Variants in SPATA17 observed in about 807,000 individuals in gnomAD.
SPATA17 encodes spermatogenesis-associated protein 17.
In SPATA17, 53 loss-of-function variants were observed where a neutral mutation model predicts 62.2. The observed-to-expected ratio is 0.85, with a 90% CI of 0.68 to 1.07. The LOEUF (loss-of-function observed/expected upper bound fraction) is 1.07. SPATA17 is among the 50% of genes least tolerant of loss of function. The pLI, the probability that SPATA17 is intolerant of heterozygous loss-of-function variation, is 0.00. For missense variants in SPATA17, 466 were observed against 425.5 expected (o/e 1.10, Z -0.84); for synonymous variants, 146 against 146.8 (o/e 0.99, Z 0.04).
chr1:217,801,344 C>T (rs1674306561), intron 8 of SPATA17, among the ~76,000 whole-genome samples: 1 of 152,132 alleles, frequency 6.6e-6, no homozygotes, highest in Admixed American at 6.6e-5. Flanking sequence ...ATTGACTGTA[C>T]TGGCTGTCCT....
chr1:217,742,197 G>T, intron 6 of SPATA17, 99 bp downstream of exon 6: 1 of 1,450,158 alleles, frequency 6.9e-7, no homozygotes, highest in Non-Finnish European at 9.4e-7. Context: ...TTGTTGAAAA[G>T]ATATCACAAA....
chr1:217,782,439 C>G, intron 8 of SPATA17, 117 bp downstream of exon 8: 2 of 1,133,098 alleles, frequency 1.8e-6, no homozygotes, highest in South Asian at 4.5e-5. Flanking sequence ...GTAAAGCCAC[C>G]CCTGACCTGT....
At chr1:217,713,980 T>A (rs1671935415) in intron 5 of SPATA17, among the ~76,000 whole-genome samples, 1 of 152,000 alleles carries the variant, frequency 6.6e-6, no homozygotes, top group Non-Finnish European at 1.5e-5. Context: ...ATGAAAAAAA[T>A]TTGCATCCAG....
At chr1:217,804,204 GAC>G (rs1674379346) in intron 9 of SPATA17, among the ~76,000 whole-genome samples, 2 of 152,060 alleles carry the variant, frequency 1.3e-5, no homozygotes, top group African/African-American at 4.8e-5. Context: ...ATAAAAAATA[GAC>G]ACATCAAACA....
intron 9 of SPATA17, among the ~76,000 whole-genome samples, chr1:217,830,382 A>G (rs1304235604): frequency 6.6e-6 from 1 of 152,106 alleles, no homozygotes; most frequent in South Asian, 2.1e-4. Flanking sequence ...ATCACTTTAC[A>G]TAATGTGCAC....
chr1:217,751,194 C>G (rs1672897198), intron 6 of SPATA17, among the ~76,000 whole-genome samples: 1 of 152,104 alleles, frequency 6.6e-6, no homozygotes, highest in Admixed American at 6.5e-5. Flanking sequence ...ATAAGGAAAG[C>G]CAGAATGTAA....
At chr1:217,683,180 A>G (rs906275094) in intron 4 of SPATA17, 78 bp from the exon 5 acceptor site, 2 of 949,290 alleles carry the variant, frequency 2.1e-6, no homozygotes, top group East Asian at 2.6e-5. Flanking sequence ...AGCCATAATT[A>G]CCTTAATTTT....
At chr1:217,767,405 T>G (rs1673326540) in intron 6 of SPATA17, among the ~76,000 whole-genome samples, 1 of 152,186 alleles carries the variant, frequency 6.6e-6, no homozygotes, top group South Asian at 2.1e-4. Flanking sequence ...ATTTGGTGTC[T>G]AACATCAGTT....
intron 5 of SPATA17, among the ~76,000 whole-genome samples, chr1:217,692,562 CTT>C (rs1405401858): frequency 1.7e-5 from 1 of 58,120 alleles, no homozygotes; most frequent in Non-Finnish European, 3.1e-5. Context: ...GCATCCCTGT[CTT>C]GTGCCAGTTT....
intron 5 of SPATA17, among the ~76,000 whole-genome samples, chr1:217,727,038 A>G (rs1227709067): frequency 1.3e-5 from 2 of 151,882 alleles, no homozygotes; most frequent in African/African-American, 2.4e-5. Context: ...ACCTGAGGTC[A>G]GGAGTTAGAG....
chr1:217,739,888 A>G (rs1407538201), intron 5 of SPATA17, among the ~76,000 whole-genome samples: 1 of 152,090 alleles, frequency 6.6e-6, no homozygotes, highest in Non-Finnish European at 1.5e-5. Flanking sequence ...TGAATTTATT[A>G]AATTAACTAC....
intron 5 of SPATA17, among the ~76,000 whole-genome samples, chr1:217,730,347 C>A (rs1672376185): frequency 6.6e-6 from 1 of 151,354 alleles, no homozygotes; most frequent in South Asian, 2.1e-4. Flanking sequence ...CCTCAGAGTA[C>A]CTGGGATTAC....
intron 5 of SPATA17, among the ~76,000 whole-genome samples, chr1:217,715,088 A>G (rs1671971963): frequency 6.6e-6 from 1 of 152,208 alleles, no homozygotes; most frequent in South Asian, 2.1e-4. Flanking sequence ...TGTACCATAA[A>G]TATATGATAT....
chr1:217,781,771 T>C (rs543303892), intron 7 of SPATA17, among the ~76,000 whole-genome samples: 22 of 152,172 alleles, frequency 1.4e-4, no homozygotes, highest in Non-Finnish European at 2.9e-4. Flanking sequence ...AGAAGGGCTG[T>C]TGGAAAGCTA....
intron 9 of SPATA17, among the ~76,000 whole-genome samples, chr1:217,848,716 A>G (rs1675581266): frequency 6.6e-6 from 1 of 152,086 alleles, no homozygotes; most frequent in South Asian, 2.1e-4. Flanking sequence ...AGCCATTGTT[A>G]TCTGTCATTC....
intron 6 of SPATA17, among the ~76,000 whole-genome samples, chr1:217,746,251 A>G (rs1672748283): frequency 6.6e-6 from 1 of 151,996 alleles, no homozygotes; most frequent in Non-Finnish European, 1.5e-5. Flanking sequence ...AGTTTGAATA[A>G]TTTTATAAAA....
At chr1:217,752,261 C>T (rs1195344204) in intron 6 of SPATA17, among the ~76,000 whole-genome samples, 1 of 152,066 alleles carries the variant, frequency 6.6e-6, no homozygotes, top group Non-Finnish European at 1.5e-5. Context: ...CTCCTGGCCT[C>T]AAGTGATCCT....
intron 6 of SPATA17, among the ~76,000 whole-genome samples, chr1:217,758,968 G>C (rs751782181): frequency 6.6e-6 from 1 of 152,088 alleles, no homozygotes. Context: ...GGGCATGAAG[G>C]CATCAAAGAA....
rs374042087 is a variant in SPATA17, at chr1:217,770,978, A to ATTTTTTT, written c.520-3332_520-3326dup. Among the ~76,000 whole-genome samples the ATTTTTTT allele has an allele frequency of 6.0e-3, 299 of 49,982 alleles. 4 individuals carry two copies. The highest frequency in any genetic ancestry group is 6.3e-3 in the Non-Finnish European group (190 of 30,310). The allele number at this position is 49,982 out of a possible 152,430, so 32.8% of individuals were successfully genotyped here. ...ATGTATCTATTATATAACTCATTGC[A>ATTTTTTT]TTTTTTTTTTTTTTTTTTTTTTTTT... On this transcript the variant is annotated intron_variant, in intron 6 of 10. Coordinates refer to ENST00000366933, the MANE Select transcript of SPATA17 (RefSeq NM_138796.4).
Sources: allele counts gnomAD v4.1 joint callset (sites outside exome capture counted in the v4.1 genomes callset), GRCh38; gene constraint gnomAD v4.1.1; transcripts MANE v1.5; gene names NCBI Gene and HGNC (gene_info 2026-07-23, HGNC 2026-07-21).